The following ATP13A2 variants were observed in gnomAD, a reference collection of about 807,000 sequenced individuals.
ATP13A2 encodes polyamine-transporting ATPase 13A2.
ATP13A2 carries 83 observed loss-of-function variants against 138.3 expected under a neutral mutation model. The observed-to-expected ratio is 0.60, with a 90% CI of 0.50 to 0.72. ATP13A2 has a LOEUF of 0.72. ATP13A2 is among the 30% of genes least tolerant of loss of function. The pLI is 0.00. For missense variants in ATP13A2, 1,402 were observed against 1,606.4 expected, an observed-to-expected ratio of 0.87 and a Z score of 2.17; for synonymous variants, 663 against 699.0, an observed-to-expected ratio of 0.95 and a Z score of 0.81.
chr1:16,992,183 G>A, intron 18 of ATP13A2, 54 bp from the exon 19 acceptor site: 1 of 1,611,506 alleles, frequency 6.2e-7, no homozygotes, highest in Non-Finnish European at 8.5e-7. Flanking sequence ...CAGAGGCTGG[G>A]TACCCACCCC....
At chr1:17,010,713 G>A (rs983903474) in intron 1 of ATP13A2, among the ~76,000 whole-genome samples, 2 of 152,156 alleles carry the variant, frequency 1.3e-5, no homozygotes, top group African/African-American at 2.4e-5. Context: ...AGCTATGAGG[G>A]GCCAAGACTG....
chr1:16,998,528 A>G (rs1206117967), intron 11 of ATP13A2, among the ~76,000 whole-genome samples: 1 of 152,138 alleles, frequency 6.6e-6, no homozygotes, highest in African/African-American at 2.4e-5. Flanking sequence ...TACAAATACA[A>G]TGCCAGCCAG....
chr1:17,011,798 G>A lies in ATP13A2; in HGVS notation c.-60C>T, dbSNP rs2077810296. 2.3e-6 allele frequency: 3 copies of A among 1,315,014 alleles called. No individual in the cohort carries two copies. The highest frequency in any genetic ancestry group is 3.4e-5 in the Admixed American group (1 of 29,274). The allele number at this position is 1,315,014 out of a possible 1,614,324, so 81.5% of individuals were successfully genotyped here. On this transcript the variant is annotated 5_prime_UTR_variant, in exon 1 of 29. The change creates a new upstream start codon in the 5' untranslated region. Coordinates refer to ENST00000326735, the MANE Select transcript of ATP13A2 (RefSeq NM_022089.4). This position sits in a 1 kb window ranked among gnomAD's most constrained non-coding sequence, Gnocchi z 7.3. ...TGCGGCCCTCGGCCTGGGCCCCGGC[G>A]TGCGCAAGGCCCTGGGCGGGGGCGC...
Position 16,986,715 on chromosome 1 carries a change from G to C in ATP13A2, c.3236-83C>G. 2 of 1,570,196 alleles carry C rather than the reference G, an allele frequency of 1.3e-6. No homozygotes were observed. The highest frequency in any genetic ancestry group is 1.7e-6 in the Non-Finnish European group (2 of 1,162,602). On this transcript the variant is annotated intron_variant, in intron 27 of 28. Coordinates refer to ENST00000326735, the MANE Select transcript of ATP13A2 (RefSeq NM_022089.4). The surrounding 1 kb of genome is among the most constrained non-coding windows in gnomAD (Gnocchi z 6.9). ...ACGTGTGCACGCCAGTCTTCCACTC[G>C]GCCGGCACCTCTCTCCCATCTGCCT...
At chr1:17,008,352 G>C (rs1197404191) in intron 1 of ATP13A2, among the ~76,000 whole-genome samples, 1 of 152,132 alleles carries the variant, frequency 6.6e-6, no homozygotes, top group African/African-American at 2.4e-5. Context: ...CCCATCATTT[G>C]TTCCTAAGAA....
rs1553172504 is a variant in ATP13A2, at chr1:17,005,409, C to T, written c.253G>A (p.Ala85Thr). The T allele has an allele frequency of 6.2e-6, 10 of 1,611,146 alleles. No individual in the cohort carries two copies. Among genetic ancestry groups the T allele is most frequent in the African/African-American group, 1.3e-5 (1 of 75,046 alleles). The part of the protein sequence containing the change: ...LRLRPCNLAH[A>T]ETLVIEIRDK... ...CTTATTTCGATAACGAGTGTTTCGG[C>T]GTGGGCCAGGTTGCAGGGCCGGAGC... The change falls in exon 3 of 29, where the codon GCC becomes ACC. Residue 85 changes from alanine to threonine, a missense_variant. Coordinates refer to ENST00000326735, the MANE Select transcript of ATP13A2 (RefSeq NM_022089.4).
At position 17,011,680 on chromosome 1, in the gene ATP13A2, G is replaced by T. The variant is rs1456598897; in HGVS notation, c.10+49C>A. 2.0e-6 allele frequency: 3 copies of T among 1,480,060 alleles called. No homozygotes were observed. The highest frequency in any genetic ancestry group is 4.6e-5 in the Admixed American group (2 of 43,198). 91.7% of individuals were successfully genotyped at this position (1,480,060 alleles called of 1,614,324 possible). A position where few individuals can be genotyped will look rare whatever the true frequency, so the allele number is the denominator to read the frequency against. ...CCTCCAAGGGGTGACGACAACTGGC[G>T]GGCCGGGGACCGCGCCGGGCTCGGG... On this transcript the variant is annotated intron_variant, in intron 1 of 28. Transcript: ENST00000326735. The surrounding 1 kb of genome is among the most constrained non-coding windows in gnomAD (Gnocchi z 7.3).
rs776601823 is a variant in ATP13A2 at position 17,004,374 on chromosome 1, C to T, written c.515G>A (p.Arg172His). 23 of 1,613,868 alleles carry T rather than the reference C, an allele frequency of 1.4e-5. No individual in the cohort carries two copies. Among genetic ancestry groups the T allele is most frequent in the Non-Finnish European group, 1.9e-5 (22 of 1,180,010 alleles). Reference sequence around the variant, plus strand: ...TTGCTGGGTCTCGATCCAGATATAGCGCTGGCCCTGGAAGAGGTAATACCG... The same window carrying T: ...TTGCTGGGTCTCGATCCAGATATAGTGCTGGCCCTGGAAGAGGTAATACCG... ...VLRYYLFQGQRYIWIETQQAF... is the reference protein window; with the variant it reads ...VLRYYLFQGQHYIWIETQQAF... Residue 172 changes from arginine (R) to histidine (H), a missense_variant, in exon 6 of 29, where the codon CGC becomes CAC. Arg to His is a conservative substitution (Grantham distance 29). Transcript: ENST00000326735. This position sits in a 1 kb window ranked among gnomAD's most constrained non-coding sequence, Gnocchi z 4.1.
intron 23 of ATP13A2, 115 bp from the exon 24 acceptor site, chr1:16,988,589 G>A (rs2076816983): frequency 2.5e-6 from 3 of 1,201,686 alleles, no homozygotes; most frequent in African/African-American, 1.5e-5. Flanking sequence ...CTGGTGTACA[G>A]GAGGCGCTCA....
At position 17,004,481 on chromosome 1, in the gene ATP13A2, G is replaced by C. The variant is rs928781649; in HGVS notation, c.478-70C>G. On this transcript the variant is annotated intron_variant, in intron 5 of 28. Coordinates refer to ENST00000326735, the MANE Select transcript of ATP13A2 (RefSeq NM_022089.4). The surrounding 1 kb of genome is among the most constrained non-coding windows in gnomAD (Gnocchi z 4.1). The stretch of plus-strand genomic sequence containing the variant: ...CCCAGAAGCAGTGTGCTTATGCTGG[G>C]AGCCGAGGGATGGGGGTAGGGGGCA... 10 of 1,581,564 alleles carry C rather than the reference G, an allele frequency of 6.3e-6. No homozygotes were observed. The highest frequency in any genetic ancestry group is 1.7e-4 in the Middle Eastern group (1 of 5,988).
chr1:16,992,344 T>C lies in ATP13A2; in HGVS notation c.1904A>G (p.Gln635Arg). ...CCACGCCACCACCACACTCATGCGCTGCAGAGCCGAAGAGAAGGGGAAGCG... is the reference window on the plus strand; with the variant it reads ...CCACGCCACCACCACACTCATGCGCCGCAGAGCCGAAGAGAAGGGGAAGCG... Reference protein sequence around the residue: ...LHRFPFSSALQRMSVVVAWPG... With the variant: ...LHRFPFSSALRRMSVVVAWPG... The change falls in exon 18 of 29, where the codon CAG (glutamine) becomes CGG (arginine). Residue 635 changes from glutamine (Q) to arginine (R), a missense_variant. Gln to Arg is a conservative substitution (Grantham distance 43, BLOSUM62 1). Transcript: ENST00000326735. 1 of 1,613,024 alleles carries C rather than the reference T, an allele frequency of 6.2e-7. No individual in the cohort carries two copies. Among genetic ancestry groups the C allele is most frequent in the East Asian group, 2.2e-5 (1 of 44,860 alleles).
chr1:16,986,890 G>A lies in ATP13A2; in HGVS notation c.3150C>T (p.Val1050=). 1 of 1,614,108 alleles carries A rather than the reference G, an allele frequency of 6.2e-7. No individual in the cohort carries two copies. The highest frequency in any genetic ancestry group is 1.1e-5 in the South Asian group (1 of 91,084). The part of the protein sequence containing the change: ...DNLPNYENTV[V]FSLSSFQYLI... The stretch of plus-strand genomic sequence containing the variant: ...GGTACTGGAAGCTGGACAGAGAGAA[G>A]ACCACGGTGTTCTCGTAGTTGGGCA... The change falls in exon 27 of 29, where the codon GTC becomes GTT. Residue 1050 remains valine, a synonymous_variant. Coordinates refer to ENST00000326735, the MANE Select transcript of ATP13A2 (RefSeq NM_022089.4). The surrounding 1 kb of genome is among the most constrained non-coding windows in gnomAD (Gnocchi z 6.9).
intron 3 of ATP13A2, 35 bp downstream of exon 3, chr1:17,005,339 C>A: frequency 1.3e-6 from 2 of 1,566,412 alleles, no homozygotes; most frequent in East Asian, 2.3e-5. Flanking sequence ...ACCCTCACTG[C>A]GCTTCTCTAG....
chr1:17,000,717 C>T lies in ATP13A2; in HGVS notation c.706-183G>A, dbSNP rs180783938. The T allele has an allele frequency of 1.5e-4, 115 of 743,330 alleles. No homozygotes were observed. The African/African-American group carries it at 1.7e-3, about 11-fold the overall frequency. 46.0% of individuals were successfully genotyped at this position (743,330 alleles called of 1,614,324 possible). On this transcript the variant is annotated intron_variant, in intron 8 of 28. Coordinates refer to ENST00000326735, the MANE Select transcript of ATP13A2 (RefSeq NM_022089.4). ...ACATCCCCAGGGCCCTCAGTTTCTCCGCTCTAAAGAGGACAAGGGTTTATG... is the reference window on the plus strand; with the variant it reads ...ACATCCCCAGGGCCCTCAGTTTCTCTGCTCTAAAGAGGACAAGGGTTTATG...
In ATP13A2 at chr1:16,995,929, C is replaced by A; in HGVS notation, c.1542+47G>T. On this transcript the variant is annotated intron_variant, in intron 15 of 28. Transcript: ENST00000326735. The surrounding 1 kb of genome is among the most constrained non-coding windows in gnomAD (Gnocchi z 4.1). ...CGGGTGTGGAGGCCTCACTGGGGCG[C>A]CTGTGGCTGTCCCGCTCCCCTGCAC... is the stretch of plus-strand genomic sequence containing the variant. The A allele has an allele frequency of 2.5e-6, 4 of 1,611,034 alleles. No individual in the cohort carries two copies. The highest frequency in any genetic ancestry group is 3.4e-6 in the Non-Finnish European group (4 of 1,178,828).
Position 16,986,778 on chromosome 1 carries a change from A to G in ATP13A2, c.3235+27T>C. On this transcript the variant is annotated intron_variant, in intron 27 of 28. Coordinates refer to ENST00000326735, the MANE Select transcript of ATP13A2 (RefSeq NM_022089.4). This position sits in a 1 kb window ranked among gnomAD's most constrained non-coding sequence, Gnocchi z 6.9. The stretch of plus-strand genomic sequence containing the variant: ...AGGGCTCCTCCCTCCCTCCGCCAGC[A>G]TCTCCCGCCCGCGCCCGCAGTGGCA... 6.2e-7 allele frequency: 1 copy of G among 1,606,476 alleles called. No homozygotes were observed. The highest frequency in any genetic ancestry group is 1.1e-5 in the South Asian group (1 of 90,312).
At position 16,988,239 on chromosome 1, in the gene ATP13A2, G is replaced by A. The variant is rs760518104; in HGVS notation, c.2763-5C>T. 1 of 1,614,170 alleles carries A rather than the reference G, an allele frequency of 6.2e-7. No homozygotes were observed. Among genetic ancestry groups the A allele is most frequent in the East Asian group, 2.2e-5 (1 of 44,882 alleles). On this transcript the variant is annotated splice_region_variant and splice_polypyrimidine_tract_variant and intron_variant, in intron 24 of 28. Coordinates refer to ENST00000326735, the MANE Select transcript of ATP13A2 (RefSeq NM_022089.4). ...TCAAGGGAACAGCGCCCCTCCCTGG[G>A]TGGCAGGGCACGGACATTAGGGGAC...
rs376963085 is a variant in ATP13A2 at position 17,004,371 on chromosome 1, T to C, written c.518A>G (p.Tyr173Cys). ...GGCTTGCTGGGTCTCGATCCAGATA[T>C]AGCGCTGGCCCTGGAAGAGGTAATA... The part of the protein sequence containing the change: ...LRYYLFQGQR[Y>C]IWIETQQAFY... Residue 173 changes from tyrosine (Y) to cysteine (C), a missense_variant, in exon 6 of 29, where the codon TAT becomes TGT. By Grantham distance (194) the Tyr-to-Cys change is radical. Coordinates refer to ENST00000326735, the MANE Select transcript of ATP13A2 (RefSeq NM_022089.4). This position sits in a 1 kb window ranked among gnomAD's most constrained non-coding sequence, Gnocchi z 4.1. 11 of 1,614,028 alleles carry C rather than the reference T, an allele frequency of 6.8e-6. No homozygotes were observed. In the South Asian group the frequency reaches 1.1e-4, roughly 16 times the overall value.
rs77015093 is a variant in ATP13A2 at position 16,995,127 on chromosome 1, G to T, written c.1542+849C>A. 6.6e-6 allele frequency among the ~76,000 whole-genome samples: 1 copy of T among 152,146 alleles called. No individual in the cohort carries two copies. Among genetic ancestry groups the T allele is most frequent in the Non-Finnish European group, 1.5e-5 (1 of 68,026 alleles). On this transcript the variant is annotated intron_variant, in intron 15 of 28. Coordinates refer to ENST00000326735, the MANE Select transcript of ATP13A2 (RefSeq NM_022089.4). This position sits in a 1 kb window ranked among gnomAD's most constrained non-coding sequence, Gnocchi z 4.1. ...GCCACTCCCTGTGCCCCAGGCACAC[G>T]GTACATCTGTGCTATGACACTCCCA... is the stretch of plus-strand genomic sequence containing the variant.
Sources: gnomAD v4.1 joint callset for allele counts (sites outside exome capture counted in the v4.1 genomes callset) on GRCh38, gnomAD v4.1.1 for gene constraint, Gnocchi (gnomAD v3.1) non-coding constraint, MANE v1.5 for transcripts, NCBI Gene and HGNC (gene_info 2026-07-23, HGNC 2026-07-21) for gene names.